ANXA10: variants seen among roughly 807,000 people sequenced by gnomAD.
The protein encoded by ANXA10 is annexin A10.
Under a neutral mutation model 53.5 loss-of-function variants are expected in ANXA10, and 49 were observed. The ratio of observed to expected loss-of-function variants is 0.92; its 90% CI spans 0.73 to 1.16. The LOEUF is 1.16. Among genes scored for constraint, ANXA10 ranks in the 50% most tolerant of loss-of-function variants. The probability of loss-of-function intolerance (pLI) is 0.00; values close to 1 mark genes in which losing one functional copy is unlikely to be tolerated. For missense variants in ANXA10, 393 were observed against 394.4 expected (o/e 1.00, Z 0.03); for synonymous variants, 131 against 128.9 (o/e 1.02, Z -0.11).
intron 3 of ANXA10, among the ~76,000 whole-genome samples, chr4:168,140,264 C>T (rs925722141): frequency 8.5e-5 from 13 of 152,320 alleles, no homozygotes; most frequent in Admixed American, 2.0e-4. Flanking sequence ...ACTTCATCAG[C>T]TGAGCTTTAT....
chr4:168,096,097 A>G (rs1049341670), intron 1 of ANXA10, among the ~76,000 whole-genome samples: 26 of 152,302 alleles, frequency 1.7e-4, no homozygotes, highest in African/African-American at 6.3e-4. Context: ...TCCATAAATC[A>G]GAAATGAATT....
chr4:168,154,992 A>G (rs971337380), intron 3 of ANXA10, among the ~76,000 whole-genome samples: 1 of 152,120 alleles, frequency 6.6e-6, no homozygotes, highest in Non-Finnish European at 1.5e-5. Flanking sequence ...TTTGCACTAC[A>G]AGGACATCCA....
chr4:168,148,570 CAT>C (rs1731442653), intron 3 of ANXA10, among the ~76,000 whole-genome samples: 1 of 152,152 alleles, frequency 6.6e-6, no homozygotes. Context: ...CTGTAATTGA[CAT>C]AGGAGCTGGG....
intron 2 of ANXA10, among the ~76,000 whole-genome samples, chr4:168,137,211 A>G (rs1731252233): frequency 6.6e-6 from 1 of 152,222 alleles, no homozygotes; most frequent in South Asian, 2.1e-4. Context: ...TAGTGGAGTA[A>G]GAGCTGATTG....
rs1375728523 is a variant in ANXA10 at position 168,183,026 on chromosome 4, A to AG, written c.783+1285_783+1286insG. On this transcript the variant is annotated intron_variant, in intron 10 of 11. Coordinates refer to ENST00000359299, the MANE Select transcript of ANXA10 (RefSeq NM_007193.5). ...CCGTCTCGGAAAAAAAAAAAAAAAA[A>AG]AAAGAAAAAAGAAAAGAAAAAGAAA... Among the ~76,000 whole-genome samples the AG allele has an allele frequency of 3.3e-5, 5 of 150,902 alleles. No individual in the cohort carries two copies. In the East Asian group the frequency reaches 7.8e-4, roughly 23 times the overall value.
intron 2 of ANXA10, among the ~76,000 whole-genome samples, chr4:168,133,538 A>AAAAAT (rs1731187792): frequency 1.3e-5 from 2 of 152,108 alleles, no homozygotes; most frequent in Admixed American, 1.3e-4. Context: ...AATTCTGTAG[A>AAAAAT]TCAGGAGGCT....
chr4:168,177,798 C>G lies in ANXA10; in HGVS notation c.534+5C>G, dbSNP rs1287816361. 1 of 1,614,048 alleles carries G rather than the reference C, an allele frequency of 6.2e-7. No homozygotes were observed. The highest frequency in any genetic ancestry group is 1.7e-5 in the Admixed American group (1 of 59,998). On this transcript the variant is annotated splice_donor_5th_base_variant and intron_variant, in intron 7 of 11. Transcript: ENST00000359299. The stretch of plus-strand genomic sequence containing the variant: ...ATGGCTGCTCAGGATGCAATGGTAA[C>G]TAGAACCAGTTCTCAGACTGACTGC...
At chr4:168,108,031 C>CCATATA (rs1405133233) in intron 1 of ANXA10, among the ~76,000 whole-genome samples, 3 of 152,114 alleles carry the variant, frequency 2.0e-5, no homozygotes, top group Admixed American at 1.3e-4. Flanking sequence ...AAAAATCATT[C>CCATATA]CCCTTTTTAG....
intron 1 of ANXA10, among the ~76,000 whole-genome samples, chr4:168,121,165 C>A (rs1730979532): frequency 6.6e-6 from 1 of 151,984 alleles, no homozygotes; most frequent in Non-Finnish European, 1.5e-5. Flanking sequence ...CTGTAGTTTT[C>A]TTCATTGTTT....
intron 6 of ANXA10, among the ~76,000 whole-genome samples, chr4:168,173,334 T>G (rs1392639868): frequency 3.9e-5 from 6 of 152,162 alleles, no homozygotes; most frequent in Non-Finnish European, 8.8e-5. Context: ...TTCAGAGAAG[T>G]AGCACGTGGT....
intron 1 of ANXA10, among the ~76,000 whole-genome samples, chr4:168,099,093 C>T (rs897188077): frequency 3.3e-5 from 5 of 152,140 alleles, no homozygotes. Flanking sequence ...AAAGAAAGCA[C>T]TTTAACCACA....
chr4:168,114,579 A>G (rs1002807787), intron 1 of ANXA10, among the ~76,000 whole-genome samples: 7 of 152,136 alleles, frequency 4.6e-5, no homozygotes, highest in Non-Finnish European at 7.3e-5. Flanking sequence ...TACAAAGGTA[A>G]ACTTGTGTCA....
In ANXA10 at chr4:168,132,207, C is replaced by G. The variant is rs537700587; in HGVS notation, c.100+4042C>G. Reference sequence around the variant, plus strand: ...TTTGTTCCAGCACTATTTACAATAGCTAAGATTTGGAAGCAACCTGTGCAT... The same window carrying G: ...TTTGTTCCAGCACTATTTACAATAGGTAAGATTTGGAAGCAACCTGTGCAT... On this transcript the variant is annotated intron_variant, in intron 2 of 11. Transcript: ENST00000359299. Among the ~76,000 whole-genome samples the G allele has an allele frequency of 2.0e-5, 3 of 152,096 alleles. No homozygotes were observed. The East Asian group carries it at 5.8e-4, about 29-fold the overall frequency.
intron 3 of ANXA10, among the ~76,000 whole-genome samples, chr4:168,145,967 G>C (rs1156629027): frequency 6.6e-6 from 1 of 151,854 alleles, no homozygotes; most frequent in Non-Finnish European, 1.5e-5. Context: ...GTGTCACCCA[G>C]GCTGGAGTGC....
chr4:168,152,656 G>A (rs1164136296), intron 3 of ANXA10, among the ~76,000 whole-genome samples: 2 of 151,214 alleles, frequency 1.3e-5, no homozygotes, highest in Non-Finnish European at 2.9e-5. Context: ...CAAGGTACAA[G>A]GACAGAAGGG....
intron 6 of ANXA10, among the ~76,000 whole-genome samples, chr4:168,167,166 C>T (rs562971225): frequency 6.6e-6 from 1 of 152,256 alleles, no homozygotes; most frequent in East Asian, 1.9e-4. Flanking sequence ...CCTCCCCTGT[C>T]CTTTATCCTG....
intron 6 of ANXA10, among the ~76,000 whole-genome samples, chr4:168,173,444 C>A (rs1232362205): frequency 6.6e-6 from 1 of 152,096 alleles, no homozygotes; most frequent in Admixed American, 6.6e-5. Context: ...AGTGAAGGAA[C>A]GTGGTTTTAT....
At chr4:168,126,080 C>T (rs28549237) in intron 1 of ANXA10, among the ~76,000 whole-genome samples, 17,130 of 151,198 alleles carry the variant, frequency 0.11, 3,166 homozygotes, top group African/African-American at 0.39. Flanking sequence ...GAAAAATGTA[C>T]ATTTTTTTCA....
intron 3 of ANXA10, among the ~76,000 whole-genome samples, chr4:168,155,862 GATATATCATATATTATATGTT>G (rs1731635598): frequency 4.0e-4 from 2 of 4,962 alleles, no homozygotes; most frequent in African/African-American, 2.1e-3. Context: ...TATCATATAT[GATATATCATATATTATATGTT>G]ATATATAATA....
Sources: allele counts gnomAD v4.1 joint callset (sites outside exome capture counted in the v4.1 genomes callset), GRCh38; gene constraint gnomAD v4.1.1; transcripts MANE v1.5; gene names NCBI Gene and HGNC (gene_info 2026-07-23, HGNC 2026-07-21).